PPFIA2: variants seen among roughly 807,000 people sequenced by gnomAD.
The protein encoded by PPFIA2 is PPFI scaffold protein A2.
PPFIA2 carries 46 observed loss-of-function variants against 175.5 expected under a neutral mutation model. That is an observed-to-expected ratio of 0.26 (90% confidence interval 0.21 to 0.34). The LOEUF is 0.34. Ranked by LOEUF, PPFIA2 falls within the 10% of genes least tolerant of loss-of-function variation. The pLI, the probability that PPFIA2 is intolerant of heterozygous loss-of-function variation, is 1.00. For missense variants in PPFIA2, 1,179 were observed against 1,506.1 expected (o/e 0.78, Z 3.60); for synonymous variants, 568 against 511.4 (o/e 1.11, Z -1.49).
At chr12:81,535,660 A>G (rs2065267711) in intron 4 of PPFIA2, 1 of 277,076 alleles carries the variant, frequency 3.6e-6, no homozygotes, top group Non-Finnish European at 7.2e-6. Flanking sequence ...CACACACAAA[A>G]CTAGTGAGAG....
At chr12:81,674,931 G>A (rs2072186477) in intron 4 of PPFIA2, among the ~76,000 whole-genome samples, 1 of 151,868 alleles carries the variant, frequency 6.6e-6, no homozygotes, top group Non-Finnish European at 1.5e-5. Flanking sequence ...CCTTAACAAT[G>A]GGAGACACTA....
At chr12:81,382,800 G>T (rs2038029533) in intron 9 of PPFIA2, among the ~76,000 whole-genome samples, 1 of 152,114 alleles carries the variant, frequency 6.6e-6, no homozygotes, top group South Asian at 2.1e-4. Context: ...AATCAGGAAA[G>T]AAGGACAAGT....
At chr12:81,467,464 G>A (rs539620698) in intron 4 of PPFIA2, among the ~76,000 whole-genome samples, 3 of 152,134 alleles carry the variant, frequency 2.0e-5, no homozygotes, top group Admixed American at 6.5e-5. Context: ...CAAGGCGAGC[G>A]GATTACCTGA....
intron 4 of PPFIA2, among the ~76,000 whole-genome samples, chr12:81,644,476 TA>T (rs1328129898): frequency 1.3e-5 from 2 of 152,032 alleles, no homozygotes; most frequent in Admixed American, 6.6e-5. Flanking sequence ...TTAATACTTA[TA>T]AAAAAGTAAT....
intron 4 of PPFIA2, among the ~76,000 whole-genome samples, chr12:81,627,290 A>G (rs972711965): frequency 3.9e-5 from 6 of 152,126 alleles, no homozygotes; most frequent in African/African-American, 1.4e-4. Flanking sequence ...GAGTGGGCCT[A>G]AAATGTTTGT....
chr12:81,297,405 A>G (rs952345257), intron 23 of PPFIA2, among the ~76,000 whole-genome samples: 5 of 149,818 alleles, frequency 3.3e-5, no homozygotes, highest in African/African-American at 1.2e-4. Flanking sequence ...GTCTCTTTTG[A>G]AAAAAAAAAT....
chr12:81,658,261 T>A (rs1485004164), intron 4 of PPFIA2, among the ~76,000 whole-genome samples: 1 of 90,658 alleles, frequency 1.1e-5, no homozygotes, highest in Non-Finnish European at 2.1e-5. Flanking sequence ...AGAGCAAAAC[T>A]CCATCTCAAA....
At chr12:81,512,360 A>G in intron 4 of PPFIA2, 5 of 1,288,462 alleles carry the variant, frequency 3.9e-6, no homozygotes, top group African/African-American at 1.5e-5. Flanking sequence ...GCCAAAACAA[A>G]TTACTTACAT....
At chr12:81,748,824 A>G (rs1020559395) in intron 3 of PPFIA2, among the ~76,000 whole-genome samples, 2 of 144,476 alleles carry the variant, frequency 1.4e-5, no homozygotes, top group African/African-American at 4.9e-5. Flanking sequence ...TTTCTTCATG[A>G]TCTGGTCATC....
chr12:81,356,733 G>A (rs920532532), intron 16 of PPFIA2, among the ~76,000 whole-genome samples: 5 of 152,162 alleles, frequency 3.3e-5, no homozygotes, highest in Non-Finnish European at 4.4e-5. Flanking sequence ...ATGAGCACAT[G>A]CATTGAAAAA....
Position 81,438,303 on chromosome 12 carries a change from A to G in PPFIA2, c.645+1669T>C, listed in dbSNP as rs557653769. Among the ~76,000 whole-genome samples the G allele has an allele frequency of 4.5e-4, 69 of 152,226 alleles. 1 individual carries two copies. Among genetic ancestry groups the G allele is most frequent in the Admixed American group, 7.2e-4 (11 of 15,290 alleles). On this transcript the variant is annotated intron_variant, in intron 7 of 32. Coordinates refer to ENST00000549396, the MANE Select transcript of PPFIA2 (RefSeq NM_003625.5). ...ACCAACATGGTGAAACCCCGTCTCT[A>G]CTAAAAATACAAAAATTAGCCAGGG...
intron 22 of PPFIA2, 131 bp from the exon 23 acceptor site, chr12:81,299,513 A>G (rs1029957482): frequency 3.2e-6 from 4 of 1,233,622 alleles, no homozygotes; most frequent in Non-Finnish European, 4.3e-6. Flanking sequence ...AGAATAACAG[A>G]ATTCCTTATT....
In PPFIA2 at chr12:81,259,606, C is replaced by A. The variant is rs2034668319; in HGVS notation, c.*88G>T. The A allele has an allele frequency of 1.3e-6, 2 of 1,527,976 alleles. No individual in the cohort carries two copies. The highest frequency in any genetic ancestry group is 2.7e-5 in the African/African-American group (2 of 72,904). The allele number at this position is 1,527,976 out of a possible 1,614,324, so 94.7% of individuals were successfully genotyped here. ...TCAGTTTTCACAAAGGTTTTCACTGCTCGTCTTCTTAGATGGTAGTGCACT... is the reference window on the plus strand; with the variant it reads ...TCAGTTTTCACAAAGGTTTTCACTGATCGTCTTCTTAGATGGTAGTGCACT... On this transcript the variant is annotated 3_prime_UTR_variant, in exon 33 of 33. Coordinates refer to ENST00000549396, the MANE Select transcript of PPFIA2 (RefSeq NM_003625.5).
In PPFIA2 at chr12:81,353,283, G is replaced by T; in HGVS notation, c.1830C>A (p.Ser610Arg). The T allele has an allele frequency of 6.2e-7, 1 of 1,613,708 alleles. No homozygotes were observed. The highest frequency in any genetic ancestry group is 8.5e-7 in the Non-Finnish European group (1 of 1,179,772). Reference sequence around the variant, plus strand: ...CAGTGTCACTTTCAAAAGGGTGGCTGCTTAGTACTCCAATCTGTTGAGTTC... The same window carrying T: ...CAGTGTCACTTTCAAAAGGGTGGCTTCTTAGTACTCCAATCTGTTGAGTTC... ...WNRTQQIGVL[S>R]SHPFESDTEM... The change falls in exon 17 of 33, where the codon AGC (serine) becomes AGA (arginine). Residue 610 changes from serine (S) to arginine (R), a missense_variant. Coordinates refer to ENST00000549396, the MANE Select transcript of PPFIA2 (RefSeq NM_003625.5).
intron 4 of PPFIA2, among the ~76,000 whole-genome samples, chr12:81,473,483 A>G (rs1444828750): frequency 1.3e-5 from 2 of 152,136 alleles, no homozygotes; most frequent in East Asian, 3.9e-4. Flanking sequence ...AATTTTTGCT[A>G]TTTTATACCA....
chr12:81,522,617 A>T (rs1282469217), intron 4 of PPFIA2, among the ~76,000 whole-genome samples: 2 of 152,238 alleles, frequency 1.3e-5, no homozygotes, highest in Admixed American at 6.5e-5. Context: ...ATATATCTTT[A>T]TAAAAATTAC....
At position 81,413,888 on chromosome 12, in the gene PPFIA2, A is replaced by G. The variant is rs189519918; in HGVS notation, c.646-7985T>C. 1.9e-4 allele frequency among the ~76,000 whole-genome samples: 29 copies of G among 151,918 alleles called. No homozygotes were observed. In the South Asian group the frequency reaches 3.5e-3, roughly 18 times the overall value. ...TTTTCCTTTGTCTTTCTGAAATATT[A>G]ATATACATGAAGAAATGGGAGTTGA... On this transcript the variant is annotated intron_variant, in intron 7 of 32. Coordinates refer to ENST00000549396, the MANE Select transcript of PPFIA2 (RefSeq NM_003625.5).
At chr12:81,564,289 A>G (rs2070833835) in intron 4 of PPFIA2, among the ~76,000 whole-genome samples, 1 of 82,538 alleles carries the variant, frequency 1.2e-5, no homozygotes. Flanking sequence ...AGCTGAAGGA[A>G]AGAAACTTAG....
At chr12:81,619,416 C>T (rs969607856) in intron 4 of PPFIA2, among the ~76,000 whole-genome samples, 2 of 152,148 alleles carry the variant, frequency 1.3e-5, no homozygotes, top group Non-Finnish European at 2.9e-5. Flanking sequence ...AAATTTCTAC[C>T]TGGACATGAC....
Sources: allele counts gnomAD v4.1 joint callset (sites outside exome capture counted in the v4.1 genomes callset), GRCh38; gene constraint gnomAD v4.1.1; transcripts MANE v1.5; gene names NCBI Gene and HGNC (gene_info 2026-07-23, HGNC 2026-07-21).